Variants in PYGB observed in about 807,000 individuals in gnomAD.
The protein encoded by PYGB is glycogen phosphorylase B.
Under a neutral mutation model 94.3 loss-of-function variants are expected in PYGB, and 82 were observed. That is an observed-to-expected ratio of 0.87 (90% confidence interval 0.73 to 1.04). The LOEUF is 1.04. Ranked by LOEUF, PYGB falls within the 50% of genes least tolerant of loss-of-function variation. The pLI is 0.00. For missense variants in PYGB, 1,132 were observed against 1,158.2 expected (o/e 0.98, Z 0.33); for synonymous variants, 488 against 479.1 (o/e 1.02, Z -0.24).
chr20:25,288,184 C>T (rs1004123942), intron 14 of PYGB: 21 of 655,066 alleles, frequency 3.2e-5, no homozygotes, highest in East Asian at 2.3e-4. Context: ...TCCTCACCAG[C>T]GGGGAACCTA....
chr20:25,286,389 T>C, intron 14 of PYGB, among the ~76,000 whole-genome samples: 1 of 152,136 alleles, frequency 6.6e-6, no homozygotes, highest in African/African-American at 2.4e-5. Flanking sequence ...TGCCCTCTGC[T>C]CCTCTCCTCT....
At chr20:25,278,553 G>T in intron 8 of PYGB, 91 bp downstream of exon 8, 1 of 1,524,870 alleles carries the variant, frequency 6.6e-7, no homozygotes, top group Non-Finnish European at 8.9e-7. Flanking sequence ...AAAGGGGCTA[G>T]AGTGGAATGG....
intron 17 of PYGB, 64 bp from the exon 18 acceptor site, chr20:25,294,094 G>A (rs1048275494): frequency 7.6e-6 from 12 of 1,586,138 alleles, no homozygotes; most frequent in Non-Finnish European, 1.0e-5. Context: ...CACCAACATG[G>A]CTTGTTCTCC....
chr20:25,271,445 G>A lies in PYGB; in HGVS notation c.487G>A (p.Glu163Lys). 6.2e-7 allele frequency: 1 copy of A among 1,614,206 alleles called. No homozygotes were observed. The highest frequency in any genetic ancestry group is 8.5e-7 in the Non-Finnish European group (1 of 1,180,022). The part of the protein sequence containing the change: ...LAAYGYGIRY[E>K]FGIFNQKIVN... ...AGCATACGGCTATGGAATCCGCTAT[G>A]AATTTGGGATTTTTAACCAGAAGAT... Residue 163 changes from glutamate (E) to lysine (K), a missense_variant, in exon 4 of 20, where the codon GAA becomes AAA. Glu to Lys is a moderately conservative substitution (Grantham distance 56). Transcript: ENST00000216962.
intron 2 of PYGB, 21 bp downstream of exon 2, chr20:25,259,359 G>T: frequency 6.4e-7 from 1 of 1,558,904 alleles, no homozygotes; most frequent in Non-Finnish European, 8.8e-7. Context: ...TCATGGCCGG[G>T]CTTCTGGGTG....
intron 4 of PYGB, among the ~76,000 whole-genome samples, chr20:25,272,651 A>G (rs2088277294): frequency 6.6e-6 from 1 of 152,262 alleles, no homozygotes; most frequent in South Asian, 2.1e-4. Flanking sequence ...AAAGTAACCT[A>G]AAACGGACTC....
intron 2 of PYGB, among the ~76,000 whole-genome samples, chr20:25,260,651 GTGAGAGCA>G (rs1347720989): frequency 2.6e-5 from 4 of 152,190 alleles, no homozygotes; most frequent in East Asian, 1.9e-4. Flanking sequence ...CCCACCGAGC[GTGAGAGCA>G]TGAGCTAAAG....
chr20:25,254,005 C>T (rs2092895813), intron 1 of PYGB, among the ~76,000 whole-genome samples: 2 of 150,726 alleles, frequency 1.3e-5, no homozygotes, highest in Admixed American at 6.7e-5. Context: ...CTGGGAGGAG[C>T]AGGTTGCAGT....
intron 14 of PYGB, among the ~76,000 whole-genome samples, chr20:25,285,942 G>T (rs1438011827): frequency 6.6e-6 from 1 of 152,178 alleles, no homozygotes; most frequent in South Asian, 2.1e-4. Flanking sequence ...TGTTCAAAAC[G>T]GCCTGGACCC....
chr20:25,283,730 C>A (rs1204370997), intron 13 of PYGB, among the ~76,000 whole-genome samples: 1 of 152,238 alleles, frequency 6.6e-6, no homozygotes, highest in Admixed American at 6.5e-5. Context: ...CCCATCTACA[C>A]AGCCTGTCGA....
intron 14 of PYGB, among the ~76,000 whole-genome samples, chr20:25,286,221 G>C (rs1164019893): frequency 2.0e-5 from 3 of 152,206 alleles, no homozygotes; most frequent in Non-Finnish European, 2.9e-5. Flanking sequence ...ACGTGTGTTT[G>C]GTTCTGTTTG....
At chr20:25,284,662 G>C (rs970443286) in intron 14 of PYGB, among the ~76,000 whole-genome samples, 5 of 152,234 alleles carry the variant, frequency 3.3e-5, no homozygotes, top group African/African-American at 1.2e-4. Context: ...CTGGCCTCAA[G>C]TGATCTACCC....
At chr20:25,279,301 C>G (rs1362311803) in intron 9 of PYGB, 152 bp downstream of exon 9, 5 of 854,612 alleles carry the variant, frequency 5.9e-6, no homozygotes, top group Admixed American at 2.6e-5. Flanking sequence ...TGGGAGGGGT[C>G]TGGTTCCAGG....
chr20:25,271,349 T>C, intron 3 of PYGB, 34 bp from the exon 4 acceptor site: 1 of 1,604,738 alleles, frequency 6.2e-7, no homozygotes, highest in Non-Finnish European at 8.5e-7. Flanking sequence ...TGCCGTGCCT[T>C]TGATTCTGAC....
intron 3 of PYGB, among the ~76,000 whole-genome samples, chr20:25,270,260 T>C (rs1365654997): frequency 6.7e-6 from 1 of 149,590 alleles, no homozygotes; most frequent in Non-Finnish European, 1.5e-5. Context: ...TGGAGTGCAG[T>C]GGGTGATCTC....
intron 1 of PYGB, among the ~76,000 whole-genome samples, chr20:25,256,619 G>A (rs1600721214): frequency 6.6e-6 from 1 of 152,210 alleles, no homozygotes; most frequent in African/African-American, 2.4e-5. Context: ...AATCCCAGGC[G>A]GCAGGGCCTC....
chr20:25,252,988 G>A (rs902061227), intron 1 of PYGB, among the ~76,000 whole-genome samples: 8 of 152,250 alleles, frequency 5.3e-5, no homozygotes, highest in East Asian at 1.9e-4. Flanking sequence ...CACATCAGGC[G>A]TGGTTGAAAG....
chr20:25,265,811 G>C (rs1309715909), intron 2 of PYGB, among the ~76,000 whole-genome samples: 1 of 150,830 alleles, frequency 6.6e-6, no homozygotes, highest in Non-Finnish European at 1.5e-5. Flanking sequence ...TAGCCAGGAT[G>C]GTCTTGATCT....
chr20:25,267,784 G>A (rs557160779), intron 2 of PYGB, among the ~76,000 whole-genome samples: 11 of 152,212 alleles, frequency 7.2e-5, no homozygotes, highest in Non-Finnish European at 1.5e-4. Flanking sequence ...TCCCACCTTG[G>A]CCTCCTAAAG....
Sources: gnomAD v4.1 joint callset for allele counts (sites outside exome capture counted in the v4.1 genomes callset) on GRCh38, gnomAD v4.1.1 for gene constraint, MANE v1.5 for transcripts, NCBI Gene and HGNC (gene_info 2026-07-23, HGNC 2026-07-21) for gene names.